ELOVL5: variants seen among roughly 807,000 people sequenced by gnomAD.
The protein encoded by ELOVL5 is very long chain fatty acid elongase 5.
ELOVL5 carries 8 observed loss-of-function variants against 38.6 expected under a neutral mutation model. The observed-to-expected ratio is 0.21, with a 90% CI of 0.12 to 0.37. The LOEUF is 0.37. Ranked by LOEUF, ELOVL5 falls within the 10% of genes least tolerant of loss-of-function variation. ELOVL5 has a pLI of 1.00. For missense variants in ELOVL5, 280 were observed against 367.8 expected, an observed-to-expected ratio of 0.76 and a Z score of 1.95; for synonymous variants, 127 against 133.7, an observed-to-expected ratio of 0.95 and a Z score of 0.34.
intron 1 of ELOVL5, among the ~76,000 whole-genome samples, chr6:53,322,399 A>T (rs1220846355): frequency 6.6e-6 from 1 of 152,162 alleles, no homozygotes; most frequent in African/African-American, 2.4e-5. Flanking sequence ...AATTTGGTTT[A>T]TGTTATTAGT....
At position 53,286,230 on chromosome 6, in the gene ELOVL5, A is replaced by G. The variant is rs145421111; in HGVS notation, c.246+5546T>C. Among the ~76,000 whole-genome samples, 3 of 152,278 alleles carry G rather than the reference A, an allele frequency of 2.0e-5. No individual in the cohort carries two copies. The East Asian group carries it at 5.8e-4, about 29-fold the overall frequency. On this transcript the variant is annotated intron_variant, in intron 3 of 7. Transcript: ENST00000304434. ...CATATTTGCATAAGGAGATATGTCT[A>G]AGAAGATTCTTGGCACACTGTTAAT...
rs868271830 is a variant in ELOVL5 at position 53,305,360 on chromosome 6, G to A, written c.-8-9653C>T. 9.4e-4 allele frequency among the ~76,000 whole-genome samples: 107 copies of A among 113,684 alleles called. 1 individual carries two copies. The highest frequency in any genetic ancestry group is 4.8e-3 in the African/African-American group (96 of 19,816). The allele number at this position is 113,684 out of a possible 152,430, so 74.6% of individuals were successfully genotyped here. ...CCCCCACCTCCCTCCCGGACGGGGCGGCTGGCCTGGCGGGGGCTGACCCCC... is the reference window on the plus strand; with the variant it reads ...CCCCCACCTCCCTCCCGGACGGGGCAGCTGGCCTGGCGGGGGCTGACCCCC... On this transcript the variant is annotated intron_variant, in intron 1 of 7. Transcript: ENST00000304434.
intron 1 of ELOVL5, among the ~76,000 whole-genome samples, chr6:53,326,086 T>C (rs186714239): frequency 9.2e-5 from 14 of 152,240 alleles, no homozygotes; most frequent in African/African-American, 2.6e-4. Flanking sequence ...TGAAGAGATA[T>C]AGAGGTGTGA....
chr6:53,293,994 T>A, intron 2 of ELOVL5: 1 of 841,314 alleles, frequency 1.2e-6, no homozygotes, highest in Non-Finnish European at 1.5e-6. Flanking sequence ...CTGTCAATTT[T>A]AAGAAAACCA....
intron 2 of ELOVL5, 74 bp downstream of exon 2, chr6:53,295,568 C>T: frequency 1.1e-6 from 1 of 935,556 alleles, no homozygotes; most frequent in Middle Eastern, 2.1e-4. Context: ...ACTATCTCCT[C>T]ATGCAATATT....
At chr6:53,326,749 C>T (rs1175043227) in intron 1 of ELOVL5, among the ~76,000 whole-genome samples, 1 of 152,196 alleles carries the variant, frequency 6.6e-6, no homozygotes, top group African/African-American at 2.4e-5. Flanking sequence ...GGAAAGCAGC[C>T]TGGAAAGCAG....
chr6:53,285,577 A>G (rs1766537987), intron 3 of ELOVL5, among the ~76,000 whole-genome samples: 1 of 152,230 alleles, frequency 6.6e-6, no homozygotes, highest in South Asian at 2.1e-4. Flanking sequence ...TGTAGCACAT[A>G]CCACTGCACC....
At chr6:53,292,745 C>T (rs747022123) in intron 2 of ELOVL5, among the ~76,000 whole-genome samples, 13 of 152,168 alleles carry the variant, frequency 8.5e-5, no homozygotes, top group Non-Finnish European at 1.5e-4. Context: ...GAGCTGAGAT[C>T]GTACCACTGC....
intron 1 of ELOVL5, among the ~76,000 whole-genome samples, chr6:53,313,740 C>CA (rs35172148): frequency 0.36 from 55,237 of 151,972 alleles, 11,160 homozygotes; most frequent in African/African-American, 0.55. Flanking sequence ...ATTATAAAAA[C>CA]AAAAAAACTG....
intron 1 of ELOVL5, among the ~76,000 whole-genome samples, chr6:53,299,866 C>G (rs988459876): frequency 6.6e-6 from 1 of 152,096 alleles, no homozygotes; most frequent in African/African-American, 2.4e-5. Flanking sequence ...GAATTTTTCT[C>G]CTAGGTTTGC....
intron 1 of ELOVL5, among the ~76,000 whole-genome samples, chr6:53,339,918 T>C (rs1265129608): frequency 6.6e-6 from 1 of 152,204 alleles, no homozygotes; most frequent in Non-Finnish European, 1.5e-5. Context: ...ACAGCTCATG[T>C]GTGTTACTGC....
intron 1 of ELOVL5, among the ~76,000 whole-genome samples, chr6:53,297,378 A>G (rs1254146659): frequency 6.6e-6 from 1 of 152,212 alleles, no homozygotes; most frequent in Non-Finnish European, 1.5e-5. Context: ...GGGAAATTCC[A>G]GAAATAAACA....
intron 1 of ELOVL5, among the ~76,000 whole-genome samples, chr6:53,330,517 C>T (rs1404262221): frequency 4.3e-4 from 39 of 91,398 alleles, no homozygotes; most frequent in Non-Finnish European, 5.4e-4. Context: ...TCTTTATAAA[C>T]TTTTTTTTTT....
At chr6:53,300,567 G>A (rs1446170861) in intron 1 of ELOVL5, among the ~76,000 whole-genome samples, 1 of 152,198 alleles carries the variant, frequency 6.6e-6, no homozygotes, top group East Asian at 1.9e-4. Flanking sequence ...ACAGAGCAGA[G>A]CCTGAATGGT....
chr6:53,313,152 C>G (rs544379441), intron 1 of ELOVL5, among the ~76,000 whole-genome samples: 3 of 152,274 alleles, frequency 2.0e-5, no homozygotes, highest in African/African-American at 7.2e-5. Context: ...AAAATGTAAT[C>G]TTTGATGATT....
intron 2 of ELOVL5, chr6:53,294,171 C>A: frequency 1.4e-6 from 2 of 1,432,948 alleles, no homozygotes; most frequent in Non-Finnish European, 1.8e-6. Flanking sequence ...CATATTCATC[C>A]TCCCACACCG....
At chr6:53,341,968 G>A (rs1349898083) in intron 1 of ELOVL5, among the ~76,000 whole-genome samples, 2 of 152,154 alleles carry the variant, frequency 1.3e-5, no homozygotes, top group Admixed American at 6.5e-5. Context: ...TGAAGCCCAC[G>A]CAGCTGTTAA....
At chr6:53,278,329 G>A (rs1046963234) in intron 3 of ELOVL5, among the ~76,000 whole-genome samples, 1 of 152,122 alleles carries the variant, frequency 6.6e-6, no homozygotes, top group Non-Finnish European at 1.5e-5. Context: ...GAAAATCAAG[G>A]TAGCTCTCTG....
At chr6:53,348,578 G>A (rs997345560) in intron 1 of ELOVL5, among the ~76,000 whole-genome samples, 2 of 152,160 alleles carry the variant, frequency 1.3e-5, no homozygotes, top group Non-Finnish European at 1.5e-5. Flanking sequence ...GGCGTGGGGC[G>A]AGCCGCCCGC....
Sources: gnomAD v4.1 joint callset for allele counts (sites outside exome capture counted in the v4.1 genomes callset) on GRCh38, gnomAD v4.1.1 for gene constraint, MANE v1.5 for transcripts, NCBI Gene and HGNC (gene_info 2026-07-23, HGNC 2026-07-21) for gene names.